DIDO1: variants seen among roughly 807,000 people sequenced by gnomAD.
DIDO1 encodes the protein death-inducer obliterator 1.
In DIDO1, 16 loss-of-function variants were observed where a neutral mutation model predicts 99.4. That is an observed-to-expected ratio of 0.16 (90% CI 0.11 to 0.24). The LOEUF (loss-of-function observed/expected upper bound fraction) is 0.24, where lower values mean the gene tolerates loss of function less well. DIDO1 is among the 10% of genes least tolerant of loss of function. DIDO1 has a pLI of 1.00. For synonymous variants in DIDO1, 1,366 were observed against 1,239.1 expected, an observed-to-expected ratio of 1.10 and a Z score of -2.15; for missense variants, 2,996 against 3,014.0, an observed-to-expected ratio of 0.99 and a Z score of 0.14.
rs1465708197 is a variant in DIDO1 at position 62,914,354 on chromosome 20, T to C, written c.-147A>G. The stretch of plus-strand genomic sequence containing the variant: ...AGCCACTGTTCACGAGTAACAGGCT[T>C]CGTATTTTCAACAACTCAGATTATC... On this transcript the variant is annotated 5_prime_UTR_variant, in exon 2 of 16. Transcript: ENST00000395343. 1 of 152,194 alleles carries C rather than the reference T, an allele frequency of 6.6e-6. No homozygotes were observed. The highest frequency in any genetic ancestry group is 1.5e-5 in the Non-Finnish European group (1 of 68,036). 9.4% of individuals were successfully genotyped at this position (152,194 alleles called of 1,614,324 possible).
At chr20:62,920,980 G>A (rs1482956520) in intron 1 of DIDO1, among the ~76,000 whole-genome samples, 3 of 152,148 alleles carry the variant, frequency 2.0e-5, no homozygotes, top group South Asian at 2.1e-4. Flanking sequence ...TGCAACCTCC[G>A]CCTCCTGGGT....
chr20:62,935,088 C>T (rs2065368413), intron 1 of DIDO1, among the ~76,000 whole-genome samples: 1 of 152,168 alleles, frequency 6.6e-6, no homozygotes, highest in African/African-American at 2.4e-5. Context: ...GTGAACTCAC[C>T]ACCTTTCCCT....
chr20:62,880,989 C>T lies in DIDO1; in HGVS notation c.4967G>A (p.Arg1656Gln), dbSNP rs1256689270. The change falls in exon 16 of 16, where the codon CGG becomes CAG. Residue 1656 changes from arginine to glutamine, a missense_variant. This residue lies in a region of DIDO1 where 1,562 missense variants were observed against 1,412.6 expected (regional missense o/e 1.11). Transcript: ENST00000395343. ...AGGCGGTGTGGGCAGCAGCACCCTC[C>T]GGGCAGGCCTGGCCGAGCTGTCTCC... The part of the protein sequence containing the change: ...TVGDSSARPA[R>Q]RVLLPTPPCG... 1.9e-6 allele frequency: 3 copies of T among 1,605,622 alleles called. No homozygotes were observed. Among genetic ancestry groups the T allele is most frequent in the Non-Finnish European group, 2.5e-6 (3 of 1,178,954 alleles).
chr20:62,911,942 G>A lies in DIDO1; in HGVS notation c.-2-328C>T, dbSNP rs191805158. On this transcript the variant is annotated intron_variant, in intron 2 of 15. Coordinates refer to ENST00000395343, the MANE Select transcript of DIDO1 (RefSeq NM_001193369.2). This position sits in a 1 kb window ranked among gnomAD's most constrained non-coding sequence, Gnocchi z 7.0. ...ATAGGAAATATTGGACAGTATAGCAGGGTAAGGATGTGAGTAAGGACGTGA... is the reference window on the plus strand; with the variant it reads ...ATAGGAAATATTGGACAGTATAGCAAGGTAAGGATGTGAGTAAGGACGTGA... 5.6e-4 allele frequency among the ~76,000 whole-genome samples: 85 copies of A among 152,324 alleles called. 1 individual carries two copies. The East Asian group carries it at 0.013, about 24-fold the overall frequency.
Position 62,890,996 on chromosome 20 carries a change from G to C in DIDO1, c.3505C>G (p.Pro1169Ala). ...AAGGGCAAGAGTTTGGATGGAACAG[G>C]GTCCTGGGCGCTCAGCGGGATCAGG... Reference protein sequence around the residue: ...LYLIPLSAQDPVPSKLLPFEG... With the variant: ...LYLIPLSAQDAVPSKLLPFEG... Residue 1169 changes from proline (P) to alanine (A), a missense_variant, in exon 15 of 16, where the codon CCT becomes GCT. Physicochemically the swap from Pro to Ala is conservative, Grantham distance 27. This residue lies in a region of DIDO1 where 135 missense variants were observed against 202.3 expected (regional missense o/e 0.67). Coordinates refer to ENST00000395343, the MANE Select transcript of DIDO1 (RefSeq NM_001193369.2). 8 of 1,614,154 alleles carry C rather than the reference G, an allele frequency of 5.0e-6. No homozygotes were observed. Among genetic ancestry groups the C allele is most frequent in the Non-Finnish European group, 6.8e-6 (8 of 1,180,030 alleles).
Position 62,894,639 on chromosome 20 carries a change from T to C in DIDO1, c.2437-91A>G, listed in dbSNP as rs535867007. On this transcript the variant is annotated intron_variant, in intron 10 of 15. Transcript: ENST00000395343. The surrounding 1 kb of genome is among the most constrained non-coding windows in gnomAD (Gnocchi z 4.4). ...ACACAAGAAAAGCAGTCTCATGGGA[T>C]TGAGACCCACGGGGGAGAAAAAAGG... The C allele has an allele frequency of 5.8e-5, 88 of 1,519,554 alleles. No individual in the cohort carries two copies. The African/African-American group carries it at 7.3e-4, about 13-fold the overall frequency. The allele number at this position is 1,519,554 out of a possible 1,614,324, so 94.1% of individuals were successfully genotyped here.
intron 5 of DIDO1, 98 bp from the exon 6 acceptor site, chr20:62,906,198 T>C (rs545103406): frequency 1.4e-6 from 2 of 1,454,168 alleles, no homozygotes; most frequent in South Asian, 1.3e-5. Flanking sequence ...AATGTCTTCC[T>C]GAGGCCATCT....
At position 62,909,786 on chromosome 20, in the gene DIDO1, C is replaced by A. The variant is rs777732272; in HGVS notation, c.1074G>T (p.Gln358His). ...TDCTSIGTIE[Q>H]KSSEDQGIKG... The stretch of plus-strand genomic sequence containing the variant: ...TTATCCCTTGGTCTTCGCTAGACTT[C>A]TGCTCTATTGTTCCTATACTTGTAC... The change falls in exon 4 of 16, where the codon CAG becomes CAT. Residue 358 changes from glutamine (Q) to histidine (H), a missense_variant. This residue lies in a region of DIDO1 where 898 missense variants were observed against 972.7 expected (regional missense o/e 0.92). Transcript: ENST00000395343. 3 of 1,614,272 alleles carry A rather than the reference C, an allele frequency of 1.9e-6. No individual in the cohort carries two copies. The highest frequency in any genetic ancestry group is 1.6e-4 in the Middle Eastern group (1 of 6,062).
At chr20:62,885,432 C>A (rs1226614340) in intron 15 of DIDO1, among the ~76,000 whole-genome samples, 1 of 152,144 alleles carries the variant, frequency 6.6e-6, no homozygotes, top group Non-Finnish European at 1.5e-5. Context: ...TGGTGTGTCA[C>A]TAGAACTCAA....
chr20:62,903,844 A>G (rs2064740083), intron 6 of DIDO1, among the ~76,000 whole-genome samples: 1 of 152,148 alleles, frequency 6.6e-6, no homozygotes, highest in Non-Finnish European at 1.5e-5. Context: ...AGAGGAGCTG[A>G]TGTGTGGCAA....
At chr20:62,897,690 G>A (rs1309230463) in intron 6 of DIDO1, among the ~76,000 whole-genome samples, 1 of 152,226 alleles carries the variant, frequency 6.6e-6, no homozygotes, top group Non-Finnish European at 1.5e-5. Context: ...ATAATTAAAA[G>A]CTCAAAGACA....
At chr20:62,898,603 A>T (rs2064589707) in intron 6 of DIDO1, among the ~76,000 whole-genome samples, 1 of 152,014 alleles carries the variant, frequency 6.6e-6, no homozygotes, top group Non-Finnish European at 1.5e-5. Flanking sequence ...GACCCTTCTA[A>T]CCTCATGGCC....
intron 4 of DIDO1, 62 bp from the exon 5 acceptor site, chr20:62,907,421 T>C (rs2064832378): frequency 1.3e-6 from 2 of 1,537,566 alleles, no homozygotes; most frequent in South Asian, 2.3e-5. Flanking sequence ...GTTAAGTGTG[T>C]GTTTTGTAAA....
At chr20:62,902,488 C>T (rs186226293) in intron 6 of DIDO1, among the ~76,000 whole-genome samples, 5 of 152,288 alleles carry the variant, frequency 3.3e-5, no homozygotes, top group East Asian at 3.9e-4. Context: ...AGAGCTCACG[C>T]GACCAGTGAA....
chr20:62,917,032 A>T (rs117114983), intron 1 of DIDO1, among the ~76,000 whole-genome samples: 2,507 of 151,848 alleles, frequency 0.017, 33 homozygotes, highest in Non-Finnish European at 0.026. Context: ...TAAAACAAAC[A>T]TTTTTTTTCC....
intron 15 of DIDO1, 85 bp from the exon 16 acceptor site, chr20:62,882,499 G>T: frequency 7.6e-7 from 1 of 1,312,008 alleles, no homozygotes; most frequent in Middle Eastern, 2.4e-4. Flanking sequence ...GGGCTTTCAC[G>T]GGGAACGTTT....
At chr20:62,884,247 T>C (rs369073992) in intron 15 of DIDO1, among the ~76,000 whole-genome samples, 1 of 152,158 alleles carries the variant, frequency 6.6e-6, no homozygotes, top group African/African-American at 2.4e-5. Flanking sequence ...TCGTAAGTTG[T>C]GGTAACTTCA....
At chr20:62,887,590 G>C (rs1298370847) in intron 15 of DIDO1, 1 of 985,398 alleles carries the variant, frequency 1.0e-6, no homozygotes, top group African/African-American at 1.7e-5. Flanking sequence ...AGGCATTTCA[G>C]ACCAAGGCTC....
Position 62,880,468 on chromosome 20 carries a change from A to G in DIDO1, c.5488T>C (p.Tyr1830His). The change falls in exon 16 of 16, where the codon TAC becomes CAC. Residue 1830 changes from tyrosine (Y) to histidine (H), a missense_variant. Around this residue, in one of 5 missense-constraint regions of DIDO1, gnomAD observed 1,562 missense variants for 1,412.6 expected, o/e 1.11. Coordinates refer to ENST00000395343, the MANE Select transcript of DIDO1 (RefSeq NM_001193369.2). ...GCCACTCCTCGTGGTCCACCAAGGTAAGAGGGTGAGGGGCCTCTGCTGTCC... is the reference window on the plus strand; with the variant it reads ...GCCACTCCTCGTGGTCCACCAAGGTGAGAGGGTGAGGGGCCTCTGCTGTCC... The part of the protein sequence containing the change: ...YGDSRGPSPS[Y>H]LGGPRGVAPS... The G allele has an allele frequency of 3.1e-6, 5 of 1,612,900 alleles. No individual in the cohort carries two copies. The highest frequency in any genetic ancestry group is 1.7e-6 in the Non-Finnish European group (2 of 1,180,000).
Sources: allele counts gnomAD v4.1 joint callset (sites outside exome capture counted in the v4.1 genomes callset), GRCh38; gene constraint gnomAD v4.1.1; regional missense constraint gnomAD v4.1.1; non-coding constraint Gnocchi (gnomAD v3.1); transcripts MANE v1.5; gene names NCBI Gene and HGNC (gene_info 2026-07-23, HGNC 2026-07-21).